Variants in RARS2 observed in about 807,000 individuals in gnomAD.
The protein encoded by RARS2 is arginyl-tRNA synthetase 2, mitochondrial.
RARS2 carries 67 observed loss-of-function variants against 88.5 expected under a neutral mutation model. That is an observed-to-expected ratio of 0.76 (90% CI 0.62 to 0.93). The LOEUF (loss-of-function observed/expected upper bound fraction) is 0.93. RARS2 is among the 40% of genes least tolerant of loss of function. The probability of loss-of-function intolerance (pLI) is 0.00; values close to 1 mark genes in which losing one functional copy is unlikely to be tolerated. For synonymous variants in RARS2, 239 were observed against 230.3 expected, an observed-to-expected ratio of 1.04 and a Z score of -0.34; for missense variants, 664 against 684.2, an observed-to-expected ratio of 0.97 and a Z score of 0.33.
chr6:87,554,631 AT>A (rs916618128), intron 5 of RARS2, among the ~76,000 whole-genome samples: 3 of 151,440 alleles, frequency 2.0e-5, no homozygotes, highest in Non-Finnish European at 2.9e-5. Context: ...TAATTTTTCT[AT>A]TTTTTTTAAG....
intron 14 of RARS2, 38 bp downstream of exon 14, chr6:87,519,545 C>A (rs13203056): frequency 6.3e-6 from 10 of 1,581,688 alleles, no homozygotes; most frequent in Non-Finnish European, 8.7e-6. Flanking sequence ...AAAAGTGGCA[C>A]GTAAGTTATG....
chr6:87,519,241 A>C (rs1315327932), intron 14 of RARS2: 1 of 316,000 alleles, frequency 3.2e-6, no homozygotes, highest in Non-Finnish European at 5.9e-6. Flanking sequence ...TCTGATACTT[A>C]GTTTTCCAAG....
At chr6:87,543,217 C>T (rs1222047609) in intron 7 of RARS2, among the ~76,000 whole-genome samples, 4 of 151,918 alleles carry the variant, frequency 2.6e-5, no homozygotes, top group African/African-American at 9.7e-5. Context: ...ACAGGAGAAT[C>T]GCTTGAACCT....
At chr6:87,574,226 G>C (rs954787364) in intron 1 of RARS2, among the ~76,000 whole-genome samples, 1 of 152,198 alleles carries the variant, frequency 6.6e-6, no homozygotes, top group Non-Finnish European at 1.5e-5. Context: ...ATATGGTGTT[G>C]TGTGAGCAGT....
chr6:87,572,894 A>C (rs956831877), intron 1 of RARS2, among the ~76,000 whole-genome samples: 1 of 152,176 alleles, frequency 6.6e-6, no homozygotes, highest in Admixed American at 6.5e-5. Context: ...TCTACACAGC[A>C]TGTTTTACAC....
intron 8 of RARS2, among the ~76,000 whole-genome samples, chr6:87,539,285 T>C (rs1445608340): frequency 6.6e-6 from 1 of 152,200 alleles, no homozygotes; most frequent in Non-Finnish European, 1.5e-5. Context: ...GAGGTTCCCC[T>C]TCAAAGACAC....
intron 1 of RARS2, among the ~76,000 whole-genome samples, chr6:87,572,708 G>A (rs1265996320): frequency 1.3e-5 from 2 of 152,054 alleles, no homozygotes; most frequent in African/African-American, 4.8e-5. Context: ...GGGACTCCAA[G>A]GAACTGCGCC....
chr6:87,525,159 C>A (rs1775249713), intron 10 of RARS2, among the ~76,000 whole-genome samples: 1 of 152,188 alleles, frequency 6.6e-6, no homozygotes, highest in Non-Finnish European at 1.5e-5. Flanking sequence ...CTATGTTTCA[C>A]ATCTTCCTTA....
At chr6:87,589,816 C>T (rs1242903553) in intron 1 of RARS2, 106 bp downstream of exon 1, 4 of 1,612,270 alleles carry the variant, frequency 2.5e-6, no homozygotes, top group Non-Finnish European at 3.4e-6. Flanking sequence ...TAACAGGATT[C>T]CGTGGGACCC....
At chr6:87,567,707 C>T (rs1768335891) in intron 2 of RARS2, among the ~76,000 whole-genome samples, 1 of 152,174 alleles carries the variant, frequency 6.6e-6, no homozygotes, top group African/African-American at 2.4e-5. Context: ...TTTAAGTAAA[C>T]TTAATATGAA....
intron 10 of RARS2, among the ~76,000 whole-genome samples, chr6:87,526,778 C>G (rs1461365718): frequency 1.3e-5 from 2 of 150,884 alleles, no homozygotes; most frequent in East Asian, 4.1e-4. Flanking sequence ...TCAAGTGATT[C>G]TCCTGCCTGA....
At chr6:87,524,232 T>C (rs1437232319) in intron 11 of RARS2, among the ~76,000 whole-genome samples, 1 of 151,818 alleles carries the variant, frequency 6.6e-6, no homozygotes, top group Non-Finnish European at 1.5e-5. Context: ...CAGAGATGGA[T>C]GGGAAAAAAA....
intron 1 of RARS2, among the ~76,000 whole-genome samples, chr6:87,575,938 G>T (rs180868618): frequency 1.8e-4 from 27 of 151,512 alleles, no homozygotes; most frequent in African/African-American, 6.5e-4. Flanking sequence ...TTCAGCCTGG[G>T]ATTACAGGCA....
At chr6:87,561,189 G>A (rs1178312856) in intron 4 of RARS2, among the ~76,000 whole-genome samples, 1 of 152,166 alleles carries the variant, frequency 6.6e-6, no homozygotes, top group African/African-American at 2.4e-5. Context: ...AGTAGTCTCA[G>A]CTATGTGAGG....
intron 4 of RARS2, among the ~76,000 whole-genome samples, chr6:87,561,766 G>A (rs1030191231): frequency 6.6e-6 from 1 of 152,184 alleles, no homozygotes; most frequent in African/African-American, 2.4e-5. Context: ...TTCTCACTAA[G>A]ATTCAGATCC....
intron 1 of RARS2, among the ~76,000 whole-genome samples, chr6:87,580,182 G>T (rs905454602): frequency 1.1e-4 from 16 of 152,118 alleles, no homozygotes; most frequent in Non-Finnish European, 1.5e-5. Flanking sequence ...TAGCTTCAGG[G>T]TTTATTTTCT....
intron 11 of RARS2, among the ~76,000 whole-genome samples, chr6:87,521,868 C>A (rs1013893153): frequency 2.6e-5 from 4 of 152,250 alleles, no homozygotes; most frequent in South Asian, 4.1e-4. Flanking sequence ...TAAGTCTCTA[C>A]TAAAAAGAAT....
chr6:87,518,582 C>T, intron 16 of RARS2, 48 bp downstream of exon 16: 1 of 1,546,174 alleles, frequency 6.5e-7, no homozygotes, highest in Non-Finnish European at 8.9e-7. Flanking sequence ...AGGACCTAGC[C>T]TAAGTAAGCA....
intron 1 of RARS2, among the ~76,000 whole-genome samples, chr6:87,584,191 T>C (rs1433095407): frequency 1.3e-5 from 2 of 152,184 alleles, no homozygotes; most frequent in Admixed American, 1.3e-4. Flanking sequence ...TATCTTCACA[T>C]TGCGGCATGG....
Sources: allele counts gnomAD v4.1 joint callset (sites outside exome capture counted in the v4.1 genomes callset), GRCh38; gene constraint gnomAD v4.1.1; transcripts MANE v1.5; gene names NCBI Gene and HGNC (gene_info 2026-07-23, HGNC 2026-07-21).